The following PLD5 variants were observed in gnomAD, a reference collection of about 807,000 sequenced individuals.
PLD5 encodes phospholipase D family member 5, also known as inactive phospholipase D5.
In PLD5, 36 loss-of-function variants were observed where a neutral mutation model predicts 61.1. That is an observed-to-expected ratio of 0.59 (90% CI 0.45 to 0.78). The LOEUF (loss-of-function observed/expected upper bound fraction) is 0.78. Among genes scored for constraint, PLD5 ranks in the 30% least tolerant of loss-of-function variants. The pLI is 0.00. For missense variants in PLD5, 515 were observed against 644.4 expected (o/e 0.80, Z 2.17); for synonymous variants, 243 against 242.8 (o/e 1.00, Z -0.01).
At chr1:242,149,768 TTATTC>T (rs1425546279) in intron 5 of PLD5, among the ~76,000 whole-genome samples, 4 of 151,288 alleles carry the variant, frequency 2.6e-5, no homozygotes, top group Non-Finnish European at 5.9e-5. Context: ...GGCCATAGAG[TTATTC>T]ATGGTTTCTC....
intron 5 of PLD5, among the ~76,000 whole-genome samples, chr1:242,132,097 C>G (rs1299508882): frequency 1.3e-5 from 2 of 149,512 alleles, no homozygotes; most frequent in South Asian, 4.2e-4. Context: ...TCCTAAAGTG[C>G]TGTGATTACA....
At chr1:242,498,774 A>G (rs905670745) in intron 1 of PLD5, among the ~76,000 whole-genome samples, 4 of 152,146 alleles carry the variant, frequency 2.6e-5, no homozygotes, top group Non-Finnish European at 5.9e-5. Flanking sequence ...CCACATGTGG[A>G]TCAGTTTAGT....
intron 1 of PLD5, among the ~76,000 whole-genome samples, chr1:242,406,434 A>G (rs1252267203): frequency 6.6e-6 from 1 of 152,180 alleles, no homozygotes; most frequent in Non-Finnish European, 1.5e-5. Context: ...AACAATCAAC[A>G]CTTCTCAAAG....
intron 1 of PLD5, among the ~76,000 whole-genome samples, chr1:242,514,434 A>G (rs1174079574): frequency 1.3e-5 from 2 of 152,144 alleles, no homozygotes; most frequent in African/African-American, 4.8e-5. Context: ...GAAGGTCACA[A>G]TTCACTAAAC....
Position 242,498,253 on chromosome 1 carries a change from G to A in PLD5, c.189+25835C>T, listed in dbSNP as rs544994159. Among the ~76,000 whole-genome samples the A allele has an allele frequency of 1.7e-4, 26 of 152,254 alleles. No homozygotes were observed. In the East Asian group the frequency reaches 2.1e-3, roughly 12 times the overall value. On this transcript the variant is annotated intron_variant, in intron 1 of 9. Transcript: ENST00000536534. ...GCTGGGATTACAGGCGTGAGCCACC[G>A]CACCTGGCCTCTTCAATTTATTTTT...
At chr1:242,248,286 C>T (rs1266065410) in intron 4 of PLD5, among the ~76,000 whole-genome samples, 8 of 152,016 alleles carry the variant, frequency 5.3e-5, no homozygotes, top group South Asian at 4.2e-4. Context: ...CTCTTGAAAC[C>T]GCTTACTATT....
intron 1 of PLD5, among the ~76,000 whole-genome samples, chr1:242,500,173 T>G (rs2102989184): frequency 6.6e-6 from 1 of 152,288 alleles, no homozygotes; most frequent in South Asian, 2.1e-4. Context: ...GGCCAGCCAG[T>G]TTCAAGGGAT....
chr1:242,362,850 C>T (rs909741136), intron 1 of PLD5, among the ~76,000 whole-genome samples: 11 of 152,124 alleles, frequency 7.2e-5, no homozygotes, highest in Non-Finnish European at 1.6e-4. Flanking sequence ...CAAGGCACCC[C>T]TCGCTGTACA....
intron 1 of PLD5, among the ~76,000 whole-genome samples, chr1:242,367,284 A>G (rs112425773): frequency 0.021 from 3,239 of 152,290 alleles, 51 homozygotes; most frequent in East Asian, 0.033. Context: ...ACACACATAG[A>G]AAAATTCAAA....
chr1:242,487,144 T>C (rs915621067), intron 1 of PLD5, among the ~76,000 whole-genome samples: 1 of 151,980 alleles, frequency 6.6e-6, no homozygotes, highest in Non-Finnish European at 1.5e-5. Context: ...CACACCAACA[T>C]GGCACATGTA....
At chr1:242,276,346 A>G (rs1674409310) in intron 3 of PLD5, among the ~76,000 whole-genome samples, 1 of 143,234 alleles carries the variant, frequency 7.0e-6, no homozygotes, top group Non-Finnish European at 1.5e-5. Context: ...ATATATTCAT[A>G]TATATATGAA....
At chr1:242,391,688 A>C (rs149905641) in intron 1 of PLD5, among the ~76,000 whole-genome samples, 1 of 152,228 alleles carries the variant, frequency 6.6e-6, no homozygotes, top group Non-Finnish European at 1.5e-5. Flanking sequence ...TATGGAAAGG[A>C]AAGTTTAATG....
chr1:242,174,151 T>G (rs1408579400), intron 5 of PLD5, among the ~76,000 whole-genome samples: 1 of 152,228 alleles, frequency 6.6e-6, no homozygotes, highest in Non-Finnish European at 1.5e-5. Flanking sequence ...TCTACTCATC[T>G]GACAAAGGGC....
In PLD5 at chr1:242,220,075, CTTG is replaced by C; in HGVS notation, c.645_647del (p.Asn215del). On this transcript the variant is annotated inframe_deletion, in exon 5 of 10. Transcript: ENST00000536534. ...TCCAGAAGGAGGACTGCAGCCGGCC[CTTG>C]TTGTAAGCGGTCATGTTCATGTACG... 6.2e-7 allele frequency: 1 copy of C among 1,614,170 alleles called. No individual in the cohort carries two copies. Among genetic ancestry groups the C allele is most frequent in the Non-Finnish European group, 8.5e-7 (1 of 1,180,020 alleles).
intron 1 of PLD5, among the ~76,000 whole-genome samples, chr1:242,367,029 G>A (rs1266945338): frequency 6.6e-6 from 1 of 152,012 alleles, no homozygotes; most frequent in African/African-American, 2.4e-5. Flanking sequence ...GTGGTACAGA[G>A]GGCATCTTTT....
In PLD5 at chr1:242,089,758, CT is replaced by C; in HGVS notation, c.*95del. ...TATTTTTTATAAGTGTGCTTTTTCC[CT>C]AAAAAAAGAGACATATTAAAGTGTT... On this transcript the variant is annotated 3_prime_UTR_variant, in exon 10 of 10. Coordinates refer to ENST00000536534, the MANE Select transcript of PLD5 (RefSeq NM_001372062.1). The C allele has an allele frequency of 6.8e-7, 1 of 1,479,804 alleles. No homozygotes were observed. The highest frequency in any genetic ancestry group is 9.2e-7 in the Non-Finnish European group (1 of 1,082,374). 91.7% of individuals were successfully genotyped at this position (1,479,804 alleles called of 1,614,324 possible). A position where few individuals can be genotyped will look rare whatever the true frequency, so the allele number is the denominator to read the frequency against.
intron 1 of PLD5, among the ~76,000 whole-genome samples, chr1:242,490,824 C>A (rs1293734991): frequency 6.6e-6 from 1 of 152,024 alleles, no homozygotes; most frequent in Non-Finnish European, 1.5e-5. Flanking sequence ...GCCTTGGCAA[C>A]AGTAGACCCT....
upstream of PLD5, among the ~76,000 whole-genome samples, chr1:242,529,535 A>T (rs934568629): frequency 1.3e-5 from 2 of 152,170 alleles, no homozygotes; most frequent in Non-Finnish European, 1.5e-5. Flanking sequence ...AAGGGGCAAC[A>T]CTATGGCAGA....
At chr1:242,258,380 G>C (rs1425200843) in intron 4 of PLD5, among the ~76,000 whole-genome samples, 1 of 152,132 alleles carries the variant, frequency 6.6e-6, no homozygotes, top group Non-Finnish European at 1.5e-5. Flanking sequence ...TGTGGTATGA[G>C]GAATGGTCAT....
Sources: gnomAD v4.1 joint callset for allele counts (sites outside exome capture counted in the v4.1 genomes callset) on GRCh38, gnomAD v4.1.1 for gene constraint, MANE v1.5 for transcripts, NCBI Gene and HGNC (gene_info 2026-07-23, HGNC 2026-07-21) for gene names.